The following ACSL6 variants were observed in gnomAD, a reference collection of about 807,000 sequenced individuals.
ACSL6 encodes long-chain-fatty-acid--CoA ligase 6.
A neutral mutation model predicts 98.2 loss-of-function variants in ACSL6; 47 were observed. The observed-to-expected ratio is 0.48, with a 90% CI of 0.38 to 0.61. The LOEUF is 0.61. ACSL6 is among the 20% of genes least tolerant of loss of function. The probability of loss-of-function intolerance (pLI) is 0.00; values close to 1 mark genes in which losing one functional copy is unlikely to be tolerated. For missense variants in ACSL6, 761 were observed against 913.4 expected, an observed-to-expected ratio of 0.83 and a Z score of 2.15; for synonymous variants, 362 against 336.9, an observed-to-expected ratio of 1.07 and a Z score of -0.82.
intron 10 of ACSL6, chr5:131,975,284 A>C: frequency 1.0e-6 from 1 of 985,368 alleles, no homozygotes; most frequent in Non-Finnish European, 1.2e-6. Context: ...AAGCACACAG[A>C]AACCAGCAGA....
At chr5:131,992,087 G>A (rs576407936) in intron 2 of ACSL6, among the ~76,000 whole-genome samples, 4 of 152,322 alleles carry the variant, frequency 2.6e-5, no homozygotes, top group Admixed American at 1.3e-4. Flanking sequence ...GCTGGGCTTC[G>A]AAGGATGGAT....
At chr5:131,955,981 T>C (rs570741485) in intron 20 of ACSL6, among the ~76,000 whole-genome samples, 1 of 152,336 alleles carries the variant, frequency 6.6e-6, no homozygotes, top group East Asian at 1.9e-4. Context: ...CACCTTCTTT[T>C]GTTATTAAAA....
chr5:131,972,846 C>T lies in ACSL6; in HGVS notation c.1216G>A (p.Ala406Thr). The part of the protein sequence containing the change: ...NRMYDKIFSQ[A>T]NTPLKRWLLE... ...AGCCAGCGCTTTAATGGTGTGTTTG[C>T]CTGGCTGAAGATCTGAGGAACATAA... Residue 406 changes from alanine to threonine, a missense_variant, in exon 13 of 21, where the codon GCA (alanine) becomes ACA (threonine). Transcript: ENST00000651883. 1 of 1,614,154 alleles carries T rather than the reference C, an allele frequency of 6.2e-7. No homozygotes were observed. Among genetic ancestry groups the T allele is most frequent in the Non-Finnish European group, 8.5e-7 (1 of 1,180,026 alleles).
intron 1 of ACSL6, among the ~76,000 whole-genome samples, chr5:131,997,252 C>T (rs1016718730): frequency 1.3e-5 from 2 of 152,238 alleles, no homozygotes; most frequent in African/African-American, 4.8e-5. Flanking sequence ...ACAACAGCTG[C>T]AGGTACTCCC....
intron 20 of ACSL6, among the ~76,000 whole-genome samples, chr5:131,958,373 C>T (rs1484816696): frequency 1.3e-5 from 2 of 152,230 alleles, no homozygotes; most frequent in Non-Finnish European, 2.9e-5. Context: ...TCCCATCACA[C>T]AACTCCCCAC....
chr5:131,996,633 G>A (rs1039286214), intron 1 of ACSL6, among the ~76,000 whole-genome samples: 5 of 152,208 alleles, frequency 3.3e-5, no homozygotes, highest in African/African-American at 4.8e-5. Flanking sequence ...CTGGTCCTTG[G>A]CAGATGCTCA....
intron 14 of ACSL6, among the ~76,000 whole-genome samples, chr5:131,971,090 A>G (rs569938196): frequency 6.6e-6 from 1 of 152,382 alleles, no homozygotes; most frequent in South Asian, 2.1e-4. Context: ...AACTTAATAA[A>G]TATGAGCTGA....
In ACSL6 at chr5:132,011,114, G is replaced by C. The variant is rs978344879; in HGVS notation, c.49+391C>G. On this transcript the variant is annotated intron_variant, in intron 1 of 20. Transcript: ENST00000651883. The surrounding 1 kb of genome is among the most constrained non-coding windows in gnomAD (Gnocchi z 5.4). ...TAGCTGACCTGCTGTGGGACCTCGG[G>C]GACCAACACCCTCGGTTTCTGGTCC... 6.6e-6 allele frequency among the ~76,000 whole-genome samples: 1 copy of C among 152,166 alleles called. No individual in the cohort carries two copies. Among genetic ancestry groups the C allele is most frequent in the Admixed American group, 6.5e-5 (1 of 15,282 alleles).
chr5:131,980,897 G>A lies in ACSL6; in HGVS notation c.917-4176C>T, dbSNP rs576984093. The stretch of plus-strand genomic sequence containing the variant: ...CCAACCTTCCTGCTCCCTCCACAGC[G>A]CAGCCCCCGAGGCTCACAGTCTCTG... On this transcript the variant is annotated intron_variant, in intron 9 of 20. Coordinates refer to ENST00000651883, the MANE Select transcript of ACSL6 (RefSeq NM_001009185.3). 1.8e-4 allele frequency among the ~76,000 whole-genome samples: 27 copies of A among 152,032 alleles called. 1 individual carries two copies. Among genetic ancestry groups the A allele is most frequent in the South Asian group, 1.7e-3 (8 of 4,808 alleles).
At chr5:131,982,624 CG>C (rs1753966487) in intron 9 of ACSL6, 1 of 152,404 alleles carries the variant, frequency 6.6e-6, no homozygotes, top group Non-Finnish European at 1.5e-5. Context: ...AGCCCTGCCT[CG>C]GGCCCTCTCT....
chr5:132,004,949 A>C (rs1264591101), intron 1 of ACSL6, among the ~76,000 whole-genome samples: 1 of 152,158 alleles, frequency 6.6e-6, no homozygotes, highest in African/African-American at 2.4e-5. Flanking sequence ...CAGGAGTTTG[A>C]GAACAGCCTG....
upstream of ACSL6, chr5:132,011,946 A>G: frequency 3.2e-6 from 5 of 1,545,542 alleles, no homozygotes; most frequent in East Asian, 2.5e-5. The surrounding 1 kb of genome is among the most constrained non-coding windows in gnomAD (Gnocchi z 5.4). Context: ...TGGAAGGGGG[A>G]GCACGGGCGA....
At position 131,970,288 on chromosome 5, in the gene ACSL6, G is replaced by A. The variant is rs569127999; in HGVS notation, c.1435-88C>T. On this transcript the variant is annotated intron_variant, in intron 14 of 20. Coordinates refer to ENST00000651883, the MANE Select transcript of ACSL6 (RefSeq NM_001009185.3). ...CCTTCCAGACAGCTAACCTCCCACT[G>A]AGCGTGTCTGACTGCTTCATGATCA... 253 of 1,190,166 alleles carry A rather than the reference G, an allele frequency of 2.1e-4. No homozygotes were observed. In the African/African-American group the frequency reaches 3.4e-3, roughly 16 times the overall value. The allele number at this position is 1,190,166 out of a possible 1,614,324, so 73.7% of individuals were successfully genotyped here.
At chr5:131,981,376 A>C (rs1360123586) in intron 9 of ACSL6, among the ~76,000 whole-genome samples, 1 of 151,776 alleles carries the variant, frequency 6.6e-6, no homozygotes, top group Non-Finnish European at 1.5e-5. Context: ...TAACACACAC[A>C]TGGAAAAGTG....
At chr5:131,974,377 T>G (rs148110367) in intron 11 of ACSL6, among the ~76,000 whole-genome samples, 85 of 152,368 alleles carry the variant, frequency 5.6e-4, no homozygotes, top group African/African-American at 2.0e-3. Flanking sequence ...ACTCTTTTGT[T>G]TTCTCTTTTA....
chr5:132,008,785 A>G (rs1330153495), intron 1 of ACSL6, among the ~76,000 whole-genome samples: 1 of 152,146 alleles, frequency 6.6e-6, no homozygotes, highest in Non-Finnish European at 1.5e-5. Flanking sequence ...GCCCACTCAT[A>G]TGTCACTGAT....
chr5:131,969,453 GT>G lies in ACSL6; in HGVS notation c.1507+674del, dbSNP rs143257142. On this transcript the variant is annotated intron_variant, in intron 15 of 20. Transcript: ENST00000651883. ...AGGAACCACCTTTGGAGATTATTGT[GT>G]TTTTTTTTTGTCACAGGTTTTAGTA... is the stretch of plus-strand genomic sequence containing the variant. 3.5e-3 allele frequency among the ~76,000 whole-genome samples: 517 copies of G among 146,490 alleles called. 3 individuals carry two copies. The highest frequency in any genetic ancestry group is 0.024 in the East Asian group (123 of 5,062).
intron 15 of ACSL6, among the ~76,000 whole-genome samples, chr5:131,969,322 G>C (rs1283234494): frequency 3.3e-5 from 5 of 152,350 alleles, no homozygotes; most frequent in African/African-American, 4.8e-5. Flanking sequence ...GCCAAGCTAA[G>C]TATAGAAGCA....
At chr5:131,985,527 G>A in intron 8 of ACSL6, 69 bp from the exon 9 acceptor site, 2 of 1,555,066 alleles carry the variant, frequency 1.3e-6, no homozygotes, top group Non-Finnish European at 1.8e-6. Context: ...AGATGCCTGG[G>A]CTCCCCAACC....
Sources: allele counts gnomAD v4.1 joint callset (sites outside exome capture counted in the v4.1 genomes callset), GRCh38; gene constraint gnomAD v4.1.1; non-coding constraint Gnocchi (gnomAD v3.1); transcripts MANE v1.5; gene names NCBI Gene and HGNC (gene_info 2026-07-23, HGNC 2026-07-21).